SAP130: variants seen among roughly 807,000 people sequenced by gnomAD.
SAP130 encodes the protein histone deacetylase complex subunit SAP130.
Under a neutral mutation model 103.2 loss-of-function variants are expected in SAP130, and 16 were observed. That is an observed-to-expected ratio of 0.16 (90% CI 0.10 to 0.24). The LOEUF is 0.24. SAP130 is among the 10% of genes least tolerant of loss of function. SAP130 has a pLI of 1.00. For missense variants in SAP130, 990 were observed against 1,359.7 expected, an observed-to-expected ratio of 0.73 and a Z score of 4.28; for synonymous variants, 477 against 497.0, an observed-to-expected ratio of 0.96 and a Z score of 0.53.
At chr2:127,983,378 C>G in intron 14 of SAP130, among the ~76,000 whole-genome samples, 1 of 152,288 alleles carries the variant, frequency 6.6e-6, no homozygotes, top group Non-Finnish European at 1.5e-5. Flanking sequence ...ACTTTTTCAA[C>G]TGTACATTTT....
At chr2:127,975,593 G>A (rs1470235544) in intron 15 of SAP130, among the ~76,000 whole-genome samples, 2 of 152,178 alleles carry the variant, frequency 1.3e-5, no homozygotes, top group African/African-American at 2.4e-5. Context: ...ATTCAAGGCT[G>A]AAGCGTTGAA....
chr2:128,020,562 C>T (rs1423194662), intron 2 of SAP130, among the ~76,000 whole-genome samples: 1 of 152,164 alleles, frequency 6.6e-6, no homozygotes, highest in Non-Finnish European at 1.5e-5. Flanking sequence ...TCTTAAGAGG[C>T]ACTTTAGTTT....
intron 7 of SAP130, among the ~76,000 whole-genome samples, chr2:128,009,688 C>T (rs541618126): frequency 7.2e-5 from 11 of 152,232 alleles, no homozygotes; most frequent in South Asian, 2.1e-4. Flanking sequence ...ATGCCCCAGC[C>T]GAGTCCATGT....
chr2:127,971,143 G>A (rs1330834877), intron 15 of SAP130, among the ~76,000 whole-genome samples: 1 of 151,602 alleles, frequency 6.6e-6, no homozygotes, highest in Non-Finnish European at 1.5e-5. Context: ...TTTAGAGCTG[G>A]GGTTTCGCCA....
rs760009171 is a variant in SAP130 at position 127,999,767 on chromosome 2, G to A, written c.1187C>T (p.Ala396Val). ...GACTGGGATGTTTGAGGTGGTCACA[G>A]CAGTAGCATGGGAGGAATGGGAGGG... ...TVPSHSSHAT[A>V]VTTSNIPVAK... The change falls in exon 10 of 21, where the codon GCT becomes GTT. Residue 396 changes from alanine (A) to valine (V), a missense_variant. Coordinates refer to ENST00000643581, the MANE Select transcript of SAP130 (RefSeq NM_001330301.2). The A allele has an allele frequency of 1.3e-6, 2 of 1,528,774 alleles. No homozygotes were observed. Among genetic ancestry groups the A allele is most frequent in the African/African-American group, 1.4e-5 (1 of 72,012 alleles). The allele number at this position is 1,528,774 out of a possible 1,614,324, so 94.7% of individuals were successfully genotyped here.
chr2:128,026,910 T>C (rs1353110531), intron 1 of SAP130, among the ~76,000 whole-genome samples: 1 of 152,038 alleles, frequency 6.6e-6, no homozygotes, highest in Non-Finnish European at 1.5e-5. Context: ...CCCCCACTTT[T>C]CCCTCAGGAG....
intron 15 of SAP130, among the ~76,000 whole-genome samples, chr2:127,960,318 G>A (rs1347444175): frequency 6.6e-6 from 1 of 152,174 alleles, no homozygotes; most frequent in Non-Finnish European, 1.5e-5. Flanking sequence ...GGAGGCACCA[G>A]GAACAACAGC....
chr2:128,015,845 G>A (rs1405992208), intron 4 of SAP130, among the ~76,000 whole-genome samples: 1 of 150,958 alleles, frequency 6.6e-6, no homozygotes, highest in Non-Finnish European at 1.5e-5. Context: ...GGAGGCTGAG[G>A]CAAGAGAATG....
intron 2 of SAP130, among the ~76,000 whole-genome samples, chr2:128,020,006 GATA>G (rs1433788616): frequency 2.0e-5 from 3 of 152,062 alleles, no homozygotes; most frequent in Non-Finnish European, 4.4e-5. Flanking sequence ...TGAGCATAAA[GATA>G]ATATTTACTT....
chr2:127,944,974 G>A (rs901307254), intron 19 of SAP130, among the ~76,000 whole-genome samples: 7 of 151,364 alleles, frequency 4.6e-5, no homozygotes, highest in African/African-American at 1.7e-4. Context: ...GATGATGTGT[G>A]TGACTGGCTT....
At chr2:128,027,300 C>G in intron 1 of SAP130, 2 of 1,159,998 alleles carry the variant, frequency 1.7e-6, no homozygotes, top group Non-Finnish European at 1.1e-6. Flanking sequence ...CCTCTTCCCC[C>G]GAACCTGCCC....
intron 1 of SAP130, chr2:128,027,218 C>T: frequency 8.3e-7 from 1 of 1,207,246 alleles, no homozygotes; most frequent in Non-Finnish European, 1.0e-6. Flanking sequence ...GCGGCGGCGC[C>T]CGGGGCCCGC....
Position 127,996,611 on chromosome 2 carries a change from T to G in SAP130, c.1214-120A>C, listed in dbSNP as rs940945448. ...AATTAAAATAAGCCTGGATTTTTAA[T>G]CAAAATAAAAAATGAAAAATAAGTA... is the stretch of plus-strand genomic sequence containing the variant. On this transcript the variant is annotated intron_variant, in intron 10 of 20. Transcript: ENST00000643581. The surrounding 1 kb of genome is among the most constrained non-coding windows in gnomAD (Gnocchi z 4.3). 1.1e-6 allele frequency: 1 copy of G among 950,448 alleles called. No individual in the cohort carries two copies. Among genetic ancestry groups the G allele is most frequent in the Non-Finnish European group, 1.5e-6 (1 of 687,334 alleles). 58.9% of individuals were successfully genotyped at this position (950,448 alleles called of 1,614,324 possible).
At chr2:128,011,585 C>T (rs1684400614) in intron 6 of SAP130, among the ~76,000 whole-genome samples, 1 of 152,210 alleles carries the variant, frequency 6.6e-6, no homozygotes, top group Non-Finnish European at 1.5e-5. Flanking sequence ...CTTCCTCCAA[C>T]CCTTCATATG....
chr2:127,958,560 G>A (rs1680001127), intron 15 of SAP130, among the ~76,000 whole-genome samples: 1 of 150,930 alleles, frequency 6.6e-6, no homozygotes, highest in African/African-American at 2.4e-5. Flanking sequence ...AAAACAAAAT[G>A]TAGAAGACAA....
intron 6 of SAP130, 125 bp from the exon 7 acceptor site, chr2:128,010,518 C>T (rs924460539): frequency 1.6e-5 from 15 of 958,144 alleles, no homozygotes; most frequent in Admixed American, 2.9e-5. Flanking sequence ...AAAATAAATT[C>T]TCACCATTCC....
At chr2:127,985,637 G>A (rs1573743972) in intron 14 of SAP130, among the ~76,000 whole-genome samples, 1 of 152,218 alleles carries the variant, frequency 6.6e-6, no homozygotes, top group East Asian at 1.9e-4. Context: ...ACATAGAAGG[G>A]GAGTAGGGAA....
In SAP130 at chr2:128,006,592, T is replaced by C. The variant is rs1198308779; in HGVS notation, c.869+3677A>G. ...GAGTTTGACACCAGCCTGGGCAACATAGGGAGACCCTGTCTCTACAAAACA... is the reference window on the plus strand; with the variant it reads ...GAGTTTGACACCAGCCTGGGCAACACAGGGAGACCCTGTCTCTACAAAACA... On this transcript the variant is annotated intron_variant, in intron 7 of 20. Coordinates refer to ENST00000643581, the MANE Select transcript of SAP130 (RefSeq NM_001330301.2). Among the ~76,000 whole-genome samples, 12 of 152,182 alleles carry C rather than the reference T, an allele frequency of 7.9e-5. No individual in the cohort carries two copies. The East Asian group carries it at 1.4e-3, about 17-fold the overall frequency.
chr2:127,954,501 T>G (rs1002648094), intron 16 of SAP130, among the ~76,000 whole-genome samples: 2 of 151,956 alleles, frequency 1.3e-5, no homozygotes, highest in African/African-American at 4.8e-5. Context: ...AACCGGAAGT[T>G]TGGAGTTAAG....
Sources: gnomAD v4.1 joint callset for allele counts (sites outside exome capture counted in the v4.1 genomes callset) on GRCh38, gnomAD v4.1.1 for gene constraint, Gnocchi (gnomAD v3.1) non-coding constraint, MANE v1.5 for transcripts, NCBI Gene and HGNC (gene_info 2026-07-23, HGNC 2026-07-21) for gene names.